Variants in DST observed in about 807,000 individuals in gnomAD.
DST encodes the protein dystonin.
DST carries 253 observed loss-of-function variants against 875.2 expected under a neutral mutation model. The observed-to-expected ratio is 0.29, with a 90% CI of 0.26 to 0.32. The LOEUF is 0.32. Among genes scored for constraint, DST ranks in the 10% least tolerant of loss-of-function variants. The pLI is 1.00. For missense variants in DST, 8,287 were observed against 9,111.6 expected, an observed-to-expected ratio of 0.91 and a Z score of 3.68; for synonymous variants, 3,124 against 3,197.1, an observed-to-expected ratio of 0.98 and a Z score of 0.77.
chr6:56,606,536 C>G lies in DST; in HGVS notation c.8092G>C (p.Asp2698His). Residue 2698 changes from aspartate (D) to histidine (H), a missense_variant, in exon 40 of 104, where the codon GAT becomes CAT. Around this residue, in one of 10 missense-constraint regions of DST, gnomAD observed 3,138 missense variants for 3,116.6 expected, o/e 1.01. Coordinates refer to ENST00000680361, the MANE Select transcript of DST (RefSeq NM_001374736.1). Reference sequence around the variant, plus strand: ...ATTTTTTCACCAGAATCTAATTCATCTTTCTCAACATCCATAAGGAAATCC... The same window carrying G: ...ATTTTTTCACCAGAATCTAATTCATGTTTCTCAACATCCATAAGGAAATCC... ...LQDFLMDVEK[D>H]ELDSGEKIHL... The G allele has an allele frequency of 6.2e-7, 1 of 1,613,472 alleles. No individual in the cohort carries two copies. The highest frequency in any genetic ancestry group is 8.5e-7 in the Non-Finnish European group (1 of 1,179,600).
rs375070693 is a variant in DST at position 56,606,292 on chromosome 6, T to G, written c.8336A>C (p.His2779Pro). The change falls in exon 40 of 104, where the codon CAC (histidine) becomes CCC (proline). Residue 2779 changes from histidine (H) to proline (P), a missense_variant. Physicochemically the swap from His to Pro is moderately conservative, Grantham distance 77 (BLOSUM62 -2). This residue lies in a region of DST where 3,138 missense variants were observed against 3,116.6 expected (regional missense o/e 1.01). Coordinates refer to ENST00000680361, the MANE Select transcript of DST (RefSeq NM_001374736.1). ...KEEYVTGQEF[H>P]SDTDHLDSMQ... ...AGAATCTAAATGATCAGTATCGGAG[T>G]GAAATTCCTGTCCAGTTACATACTC... The G allele has an allele frequency of 9.4e-6, 15 of 1,596,708 alleles. No homozygotes were observed. In the East Asian group the frequency reaches 2.3e-4, roughly 24 times the overall value.
At chr6:56,835,785 C>G (rs149282078) in intron 4 of DST, among the ~76,000 whole-genome samples, 239 of 152,234 alleles carry the variant, frequency 1.6e-3, no homozygotes, top group African/African-American at 5.2e-3. Flanking sequence ...GGCACTAGAA[C>G]AATAGTATGT....
At chr6:56,619,736 C>G (rs2098668879) in intron 36 of DST, 1 of 1,613,964 alleles carries the variant, frequency 6.2e-7, no homozygotes, top group Non-Finnish European at 8.5e-7. Context: ...TTGAGAATAC[C>G]CTTTCTCCGC....
intron 4 of DST, among the ~76,000 whole-genome samples, chr6:56,831,688 T>C (rs989888814): frequency 6.6e-6 from 1 of 152,174 alleles, no homozygotes; most frequent in Non-Finnish European, 1.5e-5. Context: ...TTTTAATGTA[T>C]AGGATCAATA....
rs2152556431 is a variant in DST at position 56,553,649 on chromosome 6, T to A, written c.15143A>T (p.His5048Leu). Residue 5048 changes from histidine to leucine, a missense_variant, in exon 61 of 104, where the codon CAT becomes CTT. His to Leu is a moderately conservative substitution (Grantham distance 99). Coordinates refer to ENST00000680361, the MANE Select transcript of DST (RefSeq NM_001374736.1). ...ACAGGCCGACTGAAGGTGCTGGACA[T>A]GATTCTCTAGAAATAAAATTACAAG... ...FKDVEQKAEN[H>L]VQHLQSACAS... is the part of the protein sequence containing the mutation. 4 of 1,609,830 alleles carry A rather than the reference T, an allele frequency of 2.5e-6. No homozygotes were observed. The highest frequency in any genetic ancestry group is 3.4e-6 in the Non-Finnish European group (4 of 1,178,916).
chr6:56,497,547 T>C (rs1467267164), intron 81 of DST, 40 bp from the exon 82 acceptor site: 3 of 1,602,082 alleles, frequency 1.9e-6, no homozygotes, highest in Admixed American at 1.7e-5. Flanking sequence ...CCATAAACAC[T>C]GTCAGTTTCA....
Position 56,619,960 on chromosome 6 carries a change from C to T in DST, c.4929+4570G>A, listed in dbSNP as rs2230862. 637,316 of 1,613,622 alleles carry T rather than the reference C, an allele frequency of 0.39. 128,584 individuals are homozygous for T. The highest frequency in any genetic ancestry group is 0.43 in the African/African-American group (32,480 of 74,878). On this transcript the variant is annotated intron_variant, in intron 36 of 103. Transcript: ENST00000680361. The stretch of plus-strand genomic sequence containing the variant: ...GCTGTTTGAGTTCTTCTGCTTTCTG[C>T]TTGTCATGTTCTTGCTGGAGACCCG...
intron 4 of DST, among the ~76,000 whole-genome samples, chr6:56,835,999 T>C (rs952025965): frequency 6.6e-6 from 1 of 152,202 alleles, no homozygotes; most frequent in Non-Finnish European, 1.5e-5. Flanking sequence ...GAAATGCTCA[T>C]GTTAAAATTT....
At chr6:56,645,159 T>C (rs116631440) in intron 15 of DST, among the ~76,000 whole-genome samples, 1,895 of 152,312 alleles carry the variant, frequency 0.012, 30 homozygotes, top group African/African-American at 0.043. Flanking sequence ...AGCGTGAGAA[T>C]GGACTAATAC....
At chr6:56,565,633 G>A (rs1326071842) in intron 55 of DST, among the ~76,000 whole-genome samples, 3 of 152,116 alleles carry the variant, frequency 2.0e-5, no homozygotes, top group Non-Finnish European at 2.9e-5. Flanking sequence ...GATGTCTGTC[G>A]ACCCCTGCTG....
chr6:56,462,873 C>T (rs1167586225), intron 102 of DST, among the ~76,000 whole-genome samples, 173 bp downstream of exon 102: 1 of 152,144 alleles, frequency 6.6e-6, no homozygotes, highest in Non-Finnish European at 1.5e-5. Flanking sequence ...CTGTTAACCC[C>T]TTACTCTCAC....
chr6:56,476,329 G>A lies in DST; in HGVS notation c.21684C>T (p.Ala7228=), dbSNP rs1486074670. 1.3e-6 allele frequency: 2 copies of A among 1,573,310 alleles called. No homozygotes were observed. Among genetic ancestry groups the A allele is most frequent in the African/African-American group, 2.7e-5 (2 of 73,602 alleles). The part of the protein sequence containing the change: ...IIRARFEEVL[A]WAKQHQQRLA... ...ATCTCTGCTGATGTTGCTTTGCCCAGGCCAGCACCTGTCAGAGAAACAGAA... is the reference window on the plus strand; with the variant it reads ...ATCTCTGCTGATGTTGCTTTGCCCAAGCCAGCACCTGTCAGAGAAACAGAA... Residue 7228 remains alanine, a synonymous_variant, in exon 92 of 104, where the codon GCC becomes GCT. Coordinates refer to ENST00000680361, the MANE Select transcript of DST (RefSeq NM_001374736.1).
intron 4 of DST, among the ~76,000 whole-genome samples, chr6:56,793,740 A>C (rs1421438949): frequency 6.6e-6 from 1 of 152,226 alleles, no homozygotes; most frequent in African/African-American, 2.4e-5. Context: ...TTACCAAAAA[A>C]CAGTATTTTT....
At chr6:56,868,011 C>T (rs956359059) in intron 3 of DST, among the ~76,000 whole-genome samples, 1 of 152,116 alleles carries the variant, frequency 6.6e-6, no homozygotes, top group Non-Finnish European at 1.5e-5. Context: ...GCTGTGTTGC[C>T]TCTTTAATAC....
At chr6:56,589,644 C>T (rs546368032) in intron 49 of DST, among the ~76,000 whole-genome samples, 1 of 152,296 alleles carries the variant, frequency 6.6e-6, no homozygotes, top group African/African-American at 2.4e-5. Context: ...TTGCTGGTTC[C>T]ACACCCAGGC....
chr6:56,719,757 G>A (rs2099407645), intron 5 of DST, among the ~76,000 whole-genome samples: 1 of 152,192 alleles, frequency 6.6e-6, no homozygotes, highest in Non-Finnish European at 1.5e-5. Context: ...CTGGGCGTCT[G>A]GGGGAGACAT....
intron 9 of DST, among the ~76,000 whole-genome samples, chr6:56,698,317 TA>T (rs1227393020): frequency 1.2e-3 from 172 of 149,302 alleles, no homozygotes; most frequent in Middle Eastern, 3.5e-3. Context: ...TCAGCCAACT[TA>T]AAAAAAAAAA....
chr6:56,765,792 A>C (rs1280645883), intron 4 of DST, among the ~76,000 whole-genome samples: 4 of 152,216 alleles, frequency 2.6e-5, no homozygotes, highest in Admixed American at 1.3e-4. Flanking sequence ...CCTGACAACT[A>C]TCAGGAATGG....
In DST at chr6:56,608,047, G is replaced by A. The variant is rs759877902; in HGVS notation, c.6581C>T (p.Ser2194Leu). 1.7e-5 allele frequency: 28 copies of A among 1,613,184 alleles called. 1 individual carries two copies. In the Middle Eastern group the frequency reaches 5.0e-4, roughly 29 times the overall value. The change falls in exon 40 of 104, where the codon TCA becomes TTA. Residue 2194 changes from serine (S) to leucine (L), a missense_variant. This residue lies in a region of DST where 3,138 missense variants were observed against 3,116.6 expected (regional missense o/e 1.01). Coordinates refer to ENST00000680361, the MANE Select transcript of DST (RefSeq NM_001374736.1). ...DGEEPVTTQT[S>L]EETKKLFLSY... is the part of the protein sequence containing the mutation. ...TAGAAATAATTTTTTAGTTTCTTCT[G>A]AGGTCTGAGTAGTGACAGGTTCTTC...
Sources: allele counts gnomAD v4.1 joint callset (sites outside exome capture counted in the v4.1 genomes callset), GRCh38; gene constraint gnomAD v4.1.1; regional missense constraint gnomAD v4.1.1; transcripts MANE v1.5; gene names NCBI Gene and HGNC (gene_info 2026-07-23, HGNC 2026-07-21).